Variants in CDKAL1 observed in about 807,000 individuals in gnomAD.
CDKAL1 encodes CDKAL1 threonylcarbamoyladenosine tRNA methylthiotransferase.
Under a neutral mutation model 68.2 loss-of-function variants are expected in CDKAL1, and 32 were observed. The ratio of observed to expected loss-of-function variants is 0.47; its 90% CI spans 0.35 to 0.63. The LOEUF (loss-of-function observed/expected upper bound fraction) is 0.63. CDKAL1 is among the 30% of genes least tolerant of loss of function. The pLI, the probability that CDKAL1 is intolerant of heterozygous loss-of-function variation, is 0.00. For synonymous variants in CDKAL1, 234 were observed against 244.3 expected (o/e 0.96, Z 0.39); for missense variants, 606 against 696.7 (o/e 0.87, Z 1.47).
chr6:20,895,025 CT>C (rs1330601937), intron 9 of CDKAL1, among the ~76,000 whole-genome samples: 1 of 152,134 alleles, frequency 6.6e-6, no homozygotes, highest in African/African-American at 2.4e-5. Context: ...TCACCTGCTG[CT>C]CTACCAGAAG....
chr6:20,984,816 G>C (rs368271295), intron 10 of CDKAL1, among the ~76,000 whole-genome samples: 11 of 145,440 alleles, frequency 7.6e-5, no homozygotes, highest in African/African-American at 2.4e-4. Context: ...AGTAACGGGG[G>C]GGGGTGGGGA....
At chr6:20,629,837 T>G (rs1767594476) in intron 4 of CDKAL1, among the ~76,000 whole-genome samples, 1 of 151,936 alleles carries the variant, frequency 6.6e-6, no homozygotes, top group African/African-American at 2.4e-5. Flanking sequence ...TGGTGGATGC[T>G]CTTACCCTGC....
At chr6:20,749,902 C>T (rs945941320) in intron 6 of CDKAL1, among the ~76,000 whole-genome samples, 3 of 151,602 alleles carry the variant, frequency 2.0e-5, no homozygotes, top group African/African-American at 4.9e-5. Flanking sequence ...GACGGGGTCT[C>T]GCCATGTTGT....
At chr6:21,140,920 C>T (rs977568430) in intron 13 of CDKAL1, among the ~76,000 whole-genome samples, 1 of 152,086 alleles carries the variant, frequency 6.6e-6, no homozygotes, top group Non-Finnish European at 1.5e-5. Context: ...CATGGCGGCG[C>T]CAGGAGAAAA....
intron 12 of CDKAL1, among the ~76,000 whole-genome samples, chr6:21,066,939 C>CT (rs1325354487): frequency 6.6e-6 from 1 of 152,146 alleles, no homozygotes; most frequent in Non-Finnish European, 1.5e-5. Context: ...CCTTCTTACC[C>CT]TTTTTTGTAA....
intron 4 of CDKAL1, among the ~76,000 whole-genome samples, chr6:20,612,705 G>A (rs896425281): frequency 2.0e-5 from 3 of 151,828 alleles, no homozygotes; most frequent in Non-Finnish European, 4.4e-5. Flanking sequence ...TCCTCACTTT[G>A]TTCCTGGTTT....
intron 10 of CDKAL1, among the ~76,000 whole-genome samples, chr6:20,956,145 A>C (rs1313553980): frequency 6.6e-6 from 1 of 152,188 alleles, no homozygotes; most frequent in Non-Finnish European, 1.5e-5. Flanking sequence ...TTCCCATTGT[A>C]AGGCCCATCC....
rs78159170 is a variant in CDKAL1 at position 21,104,361 on chromosome 6, T to C, written c.1237-4040T>C. On this transcript the variant is annotated intron_variant, in intron 12 of 15. Coordinates refer to ENST00000274695, the MANE Select transcript of CDKAL1 (RefSeq NM_017774.3). ...AGAAGGAGCCAGGAATTTTGCAGGA[T>C]AGTTAGTTGTTCATGTGGTTTGGAG... 5.5e-3 allele frequency among the ~76,000 whole-genome samples: 844 copies of C among 152,268 alleles called. 7 individuals carry two copies. The highest frequency in any genetic ancestry group is 0.019 in the African/African-American group (798 of 41,542).
chr6:21,169,928 C>A (rs1777311622), intron 13 of CDKAL1, among the ~76,000 whole-genome samples: 1 of 133,604 alleles, frequency 7.5e-6, no homozygotes, highest in South Asian at 2.5e-4. Context: ...AAGACCCCCC[C>A]CACCCCATGA....
intron 5 of CDKAL1, among the ~76,000 whole-genome samples, chr6:20,673,641 T>G (rs1247588647): frequency 3.3e-5 from 5 of 152,084 alleles, no homozygotes; most frequent in Non-Finnish European, 7.4e-5. Flanking sequence ...CAGTGGGAGA[T>G]GATTGAGTCA....
At chr6:20,881,488 TTC>T (rs1276412468) in intron 9 of CDKAL1, among the ~76,000 whole-genome samples, 2 of 152,222 alleles carry the variant, frequency 1.3e-5, no homozygotes, top group Non-Finnish European at 2.9e-5. Flanking sequence ...AATGGACTCT[TTC>T]TGTTTTCTAA....
chr6:20,835,808 G>A (rs1581671622), intron 8 of CDKAL1, among the ~76,000 whole-genome samples: 2 of 151,876 alleles, frequency 1.3e-5, no homozygotes, highest in South Asian at 2.1e-4. Context: ...CCTCGGCCTC[G>A]CAAAGTCCTG....
At chr6:20,670,510 T>C (rs932627181) in intron 5 of CDKAL1, among the ~76,000 whole-genome samples, 2 of 152,210 alleles carry the variant, frequency 1.3e-5, no homozygotes, top group African/African-American at 4.8e-5. Context: ...CCATTAGCTT[T>C]TGACTTCTCC....
chr6:20,834,291 G>A (rs1561816245), intron 8 of CDKAL1, among the ~76,000 whole-genome samples: 2 of 152,258 alleles, frequency 1.3e-5, no homozygotes, highest in South Asian at 2.1e-4. Context: ...CTTGTCCCTT[G>A]CCTTTAGGCT....
chr6:20,760,434 C>T (rs935543951), intron 7 of CDKAL1, among the ~76,000 whole-genome samples: 5 of 152,286 alleles, frequency 3.3e-5, no homozygotes, highest in African/African-American at 1.2e-4. Context: ...GTGACAGCCA[C>T]TATGTTAAAC....
chr6:20,824,107 C>A (rs1485951440), intron 8 of CDKAL1, among the ~76,000 whole-genome samples: 2 of 152,038 alleles, frequency 1.3e-5, no homozygotes, highest in African/African-American at 4.8e-5. Context: ...GATAGAACAA[C>A]CAAAGGTGTT....
chr6:21,165,724 C>T (rs900873567), intron 13 of CDKAL1, among the ~76,000 whole-genome samples: 13 of 152,206 alleles, frequency 8.5e-5, no homozygotes, highest in African/African-American at 2.9e-4. Context: ...GAGTAGGACA[C>T]TTCTTACTGC....
At chr6:21,183,119 G>A (rs1459832831) in intron 13 of CDKAL1, among the ~76,000 whole-genome samples, 1 of 149,552 alleles carries the variant, frequency 6.7e-6, no homozygotes, top group Non-Finnish European at 1.5e-5. Context: ...TTTTAGAAAT[G>A]ACAGTAAGCT....
chr6:20,829,313 C>T (rs553609917), intron 8 of CDKAL1, among the ~76,000 whole-genome samples: 1 of 152,262 alleles, frequency 6.6e-6, no homozygotes, highest in Admixed American at 6.5e-5. Flanking sequence ...TTTACATTCC[C>T]ACTGTCTGTG....
Sources: gnomAD v4.1 joint callset for allele counts (sites outside exome capture counted in the v4.1 genomes callset) on GRCh38, gnomAD v4.1.1 for gene constraint, MANE v1.5 for transcripts, NCBI Gene and HGNC (gene_info 2026-07-23, HGNC 2026-07-21) for gene names.